NGLY1: variants seen among roughly 807,000 people sequenced by gnomAD.
NGLY1 encodes N-glycanase 1.
Under a neutral mutation model 84.6 loss-of-function variants are expected in NGLY1, and 68 were observed. The ratio of observed to expected loss-of-function variants is 0.80; its 90% CI spans 0.66 to 0.98. NGLY1 has a LOEUF of 0.98. Among genes scored for constraint, NGLY1 ranks in the 50% least tolerant of loss-of-function variants. The pLI is 0.00. For synonymous variants in NGLY1, 280 were observed against 275.2 expected, an observed-to-expected ratio of 1.02 and a Z score of -0.17; for missense variants, 779 against 770.2, an observed-to-expected ratio of 1.01 and a Z score of -0.14.
intron 2 of NGLY1, among the ~76,000 whole-genome samples, chr3:25,769,917 T>C (rs896226293): frequency 2.6e-5 from 4 of 152,126 alleles, no homozygotes; most frequent in African/African-American, 9.7e-5. Context: ...AAGTATAGTC[T>C]TTTATCCCTC....
At chr3:25,781,410 A>G (rs149128672) in intron 1 of NGLY1, among the ~76,000 whole-genome samples, 1 of 152,198 alleles carries the variant, frequency 6.6e-6, no homozygotes, top group Admixed American at 6.5e-5. Context: ...TTTTGTGTAT[A>G]GACTGATACC....
Position 25,736,166 on chromosome 3 carries a change from A to C in NGLY1, c.1004-17T>G. 1 of 1,607,154 alleles carries C rather than the reference A, an allele frequency of 6.2e-7. No homozygotes were observed. Among genetic ancestry groups the C allele is most frequent in the Non-Finnish European group, 8.5e-7 (1 of 1,176,964 alleles). ...AGACATGGTCTACTCAAGTAAGAGAAAAGAGAGCAATGGAAAAAAGACAAT... is the reference window on the plus strand; with the variant it reads ...AGACATGGTCTACTCAAGTAAGAGACAAGAGAGCAATGGAAAAAAGACAAT... On this transcript the variant is annotated splice_polypyrimidine_tract_variant and intron_variant, in intron 6 of 11. Transcript: ENST00000280700.
chr3:25,729,035 A>T (rs955103647), intron 10 of NGLY1, 98 bp downstream of exon 10: 26 of 762,652 alleles, frequency 3.4e-5, no homozygotes, highest in Non-Finnish European at 4.1e-5. Context: ...TAAGTTTGAT[A>T]TATCAGTTTT....
intron 2 of NGLY1, among the ~76,000 whole-genome samples, chr3:25,768,603 G>A (rs1026220045): frequency 1.1e-4 from 14 of 132,634 alleles, no homozygotes; most frequent in African/African-American, 3.2e-4. Flanking sequence ...TCACTGTGTC[G>A]CCGAGGCTGG....
intron 2 of NGLY1, among the ~76,000 whole-genome samples, chr3:25,768,081 C>T (rs2125299014): frequency 7.4e-6 from 1 of 135,116 alleles, no homozygotes; most frequent in South Asian, 2.4e-4. Context: ...CCACTACACT[C>T]CAGGCTGGGC....
chr3:25,787,162 G>A (rs1443061687), upstream of NGLY1, among the ~76,000 whole-genome samples: 1 of 152,202 alleles, frequency 6.6e-6, no homozygotes, highest in African/African-American at 2.4e-5. Context: ...TTTAGAGGGA[G>A]GAAAATTTCA....
chr3:25,759,670 A>G (rs1427950308), intron 3 of NGLY1, among the ~76,000 whole-genome samples: 1 of 152,230 alleles, frequency 6.6e-6, no homozygotes, highest in Non-Finnish European at 1.5e-5. Context: ...CTAATGCTAC[A>G]TAAGGCAGCA....
intron 7 of NGLY1, 122 bp downstream of exon 7, chr3:25,735,882 T>C (rs1457657853): frequency 6.8e-6 from 6 of 882,986 alleles, no homozygotes; most frequent in Non-Finnish European, 1.0e-5. Flanking sequence ...ATAAAACTTA[T>C]CAAACTGTAC....
upstream of NGLY1, among the ~76,000 whole-genome samples, chr3:25,786,123 G>A (rs1708596488): frequency 1.3e-5 from 2 of 152,106 alleles, no homozygotes. Context: ...AACCAATCGT[G>A]GGGAAAATTT....
intron 3 of NGLY1, among the ~76,000 whole-genome samples, chr3:25,756,084 T>G (rs1707019979): frequency 6.6e-6 from 1 of 152,220 alleles, no homozygotes; most frequent in East Asian, 1.9e-4. Flanking sequence ...ACTAGCTTTT[T>G]TATTTTTACC....
chr3:25,734,634 C>T, intron 7 of NGLY1: 1 of 254,658 alleles, frequency 3.9e-6, no homozygotes, highest in Non-Finnish European at 6.2e-6. Flanking sequence ...ATCGCTTGAA[C>T]TTGGGAGGCA....
intron 2 of NGLY1, among the ~76,000 whole-genome samples, chr3:25,771,514 T>A (rs2125306584): frequency 6.6e-6 from 1 of 152,310 alleles, no homozygotes; most frequent in South Asian, 2.1e-4. Flanking sequence ...TTGTTTTGGC[T>A]ACGTAGGCTG....
chr3:25,786,949 T>C (rs1014127146), upstream of NGLY1, among the ~76,000 whole-genome samples: 1 of 152,230 alleles, frequency 6.6e-6, no homozygotes, highest in African/African-American at 2.4e-5. Flanking sequence ...TGCTCAGCAC[T>C]GTGAAGGAGA....
chr3:25,767,752 G>T (rs983968158), intron 2 of NGLY1, among the ~76,000 whole-genome samples: 3 of 152,212 alleles, frequency 2.0e-5, no homozygotes, highest in Admixed American at 2.0e-4. Flanking sequence ...GGGAAAGTTA[G>T]ATATCCATAT....
intron 2 of NGLY1, among the ~76,000 whole-genome samples, chr3:25,771,851 T>C (rs1381669753): frequency 1.3e-5 from 2 of 152,184 alleles, no homozygotes; most frequent in South Asian, 2.1e-4. Flanking sequence ...GGTGTAGAAA[T>C]AGTGCTACTG....
intron 4 of NGLY1, 81 bp downstream of exon 4, chr3:25,751,017 A>G: frequency 7.3e-7 from 1 of 1,368,638 alleles, no homozygotes; most frequent in Non-Finnish European, 1.0e-6. Context: ...ATGTTCTTCA[A>G]GGGTCAGTTG....
chr3:25,757,641 T>C (rs1707108642), intron 3 of NGLY1, among the ~76,000 whole-genome samples: 1 of 152,190 alleles, frequency 6.6e-6, no homozygotes, highest in Admixed American at 6.5e-5. Flanking sequence ...AGTCTAATGA[T>C]AGCATTAATA....
chr3:25,770,525 A>C (rs1707839881), intron 2 of NGLY1, among the ~76,000 whole-genome samples: 1 of 152,196 alleles, frequency 6.6e-6, no homozygotes, highest in South Asian at 2.1e-4. Flanking sequence ...TGCTACTAAA[A>C]ACATGCGTGT....
intron 3 of NGLY1, among the ~76,000 whole-genome samples, chr3:25,760,842 A>T: frequency 2.5e-5 from 2 of 79,314 alleles, no homozygotes; most frequent in African/African-American, 4.0e-5. Context: ...CCTGGGCAAC[A>T]AGAGTGAAAC....
Sources: allele counts gnomAD v4.1 joint callset (sites outside exome capture counted in the v4.1 genomes callset), GRCh38; gene constraint gnomAD v4.1.1; transcripts MANE v1.5; gene names NCBI Gene and HGNC (gene_info 2026-07-23, HGNC 2026-07-21).